CDH18: variants seen among roughly 807,000 people sequenced by gnomAD.
CDH18 encodes cadherin-18.
Under a neutral mutation model 67.9 loss-of-function variants are expected in CDH18, and 31 were observed. The ratio of observed to expected loss-of-function variants is 0.46; its 90% CI spans 0.34 to 0.62. The LOEUF (loss-of-function observed/expected upper bound fraction) is 0.62, where lower values mean the gene tolerates loss of function less well. CDH18 is among the 20% of genes least tolerant of loss of function. The pLI is 0.01. For synonymous variants in CDH18, 362 were observed against 347.2 expected, an observed-to-expected ratio of 1.04 and a Z score of -0.48; for missense variants, 890 against 975.5, an observed-to-expected ratio of 0.91 and a Z score of 1.17.
In CDH18 at chr5:19,511,942, G is replaced by A. The variant is rs112506606; in HGVS notation, c.1512+8715C>T. On this transcript the variant is annotated intron_variant, in intron 10 of 12. Coordinates refer to ENST00000382275, the MANE Select transcript of CDH18 (RefSeq NM_004934.5). The stretch of plus-strand genomic sequence containing the variant: ...GAAAATGTCTCCAGGGTATGTCAGA[G>A]GTGTCCTCGGCAGCCCCTCCCATCA... Among the ~76,000 whole-genome samples, 438 of 152,246 alleles carry A rather than the reference G, an allele frequency of 2.9e-3. 2 individuals carry two copies. Among genetic ancestry groups the A allele is most frequent in the African/African-American group, 9.9e-3 (413 of 41,578 alleles).
chr5:20,446,253 T>C (rs1438898230), intron 1 of CDH18, among the ~76,000 whole-genome samples: 1 of 152,140 alleles, frequency 6.6e-6, no homozygotes, highest in East Asian at 1.9e-4. Context: ...CCACAGACTT[T>C]ACCACAAATT....
chr5:20,483,856 A>G (rs1306509207), intron 1 of CDH18, among the ~76,000 whole-genome samples: 1 of 152,074 alleles, frequency 6.6e-6, no homozygotes. Context: ...GAAACTCTGT[A>G]GAACACTGGT....
At chr5:19,842,821 A>C (rs1336940677) in intron 2 of CDH18, among the ~76,000 whole-genome samples, 3 of 152,178 alleles carry the variant, frequency 2.0e-5, no homozygotes, top group Admixed American at 6.5e-5. Context: ...TGATGTGGAC[A>C]ACGAAGTCCA....
chr5:20,512,537 T>C (rs1755103775), intron 1 of CDH18, among the ~76,000 whole-genome samples: 1 of 152,096 alleles, frequency 6.6e-6, no homozygotes, highest in Non-Finnish European at 1.5e-5. Flanking sequence ...ATCTTTATAT[T>C]TTGTCCCTGT....
chr5:19,536,293 A>G (rs1749413211), intron 9 of CDH18, among the ~76,000 whole-genome samples: 1 of 152,204 alleles, frequency 6.6e-6, no homozygotes. Context: ...AGTTGTTGAA[A>G]AACTTTTACA....
chr5:20,309,213 G>T (rs1199072125), intron 1 of CDH18, among the ~76,000 whole-genome samples: 1 of 152,156 alleles, frequency 6.6e-6, no homozygotes, highest in Non-Finnish European at 1.5e-5. Context: ...TTTCACTCTT[G>T]AGGGAGGAAG....
chr5:20,261,094 A>G (rs962085444), intron 1 of CDH18, among the ~76,000 whole-genome samples: 17 of 152,224 alleles, frequency 1.1e-4, no homozygotes, highest in African/African-American at 3.9e-4. Context: ...AACCTTCATA[A>G]TAACATTAGG....
chr5:20,319,314 T>C (rs1204571521), intron 1 of CDH18, among the ~76,000 whole-genome samples: 1 of 152,186 alleles, frequency 6.6e-6, no homozygotes, highest in African/African-American at 2.4e-5. Flanking sequence ...AACCAAATTA[T>C]GAGTTTTTTC....
intron 2 of CDH18, among the ~76,000 whole-genome samples, chr5:19,864,544 C>CAAA (rs912680371): frequency 6.6e-6 from 1 of 150,834 alleles, no homozygotes; most frequent in Non-Finnish European, 1.5e-5. Flanking sequence ...TTTAAAAAAA[C>CAAA]AACAACACAA....
chr5:20,214,763 T>C (rs957516486), intron 2 of CDH18, among the ~76,000 whole-genome samples: 1 of 152,048 alleles, frequency 6.6e-6, no homozygotes, highest in Non-Finnish European at 1.5e-5. Context: ...GGCAATATGA[T>C]TCTGTAAGTA....
At chr5:19,731,931 C>T (rs1208552814) in intron 4 of CDH18, among the ~76,000 whole-genome samples, 3 of 142,422 alleles carry the variant, frequency 2.1e-5, no homozygotes, top group South Asian at 2.3e-4. Flanking sequence ...TTCTACAAAA[C>T]ACACAAAAAT....
rs571312439 is a variant in CDH18, at chr5:20,037,269, T to A, written c.-517-45255A>T. On this transcript the variant is annotated intron_variant, in intron 2 of 14. Coordinates refer to the CDH18 transcript ENST00000507958. ...AGCTGATACCGGTATTTCCTTTCCA[T>A]ATTTAGTGCTTCTTCAAGGAGCTCT... Among the ~76,000 whole-genome samples, 5 of 152,208 alleles carry A rather than the reference T, an allele frequency of 3.3e-5. No individual in the cohort carries two copies. In the South Asian group the frequency reaches 1.0e-3, roughly 32 times the overall value.
chr5:19,667,577 G>C (rs10941403), intron 5 of CDH18, among the ~76,000 whole-genome samples: 1 of 149,712 alleles, frequency 6.7e-6, no homozygotes, highest in Non-Finnish European at 1.5e-5. Context: ...CAAAACCACA[G>C]GAGTAACATT....
intron 3 of CDH18, among the ~76,000 whole-genome samples, chr5:19,819,894 C>T (rs1308677511): frequency 2.0e-5 from 3 of 152,116 alleles, no homozygotes; most frequent in African/African-American, 7.2e-5. Context: ...CCTGCCTGGC[C>T]ACTCCCATAA....
intron 1 of CDH18, among the ~76,000 whole-genome samples, chr5:20,262,378 T>A (rs1015061119): frequency 2.0e-5 from 3 of 152,222 alleles, no homozygotes; most frequent in Non-Finnish European, 4.4e-5. Flanking sequence ...AGGGACTTGA[T>A]AATGAGAACC....
intron 6 of CDH18, among the ~76,000 whole-genome samples, chr5:19,602,957 C>T (rs1240668836): frequency 1.9e-5 from 2 of 107,476 alleles, no homozygotes; most frequent in Non-Finnish European, 2.0e-5. Flanking sequence ...AAGAGCGAAA[C>T]TCCATCTCAA....
intron 2 of CDH18, among the ~76,000 whole-genome samples, chr5:19,959,241 T>TTG (rs1215415455): frequency 6.6e-6 from 1 of 151,994 alleles, no homozygotes; most frequent in Non-Finnish European, 1.5e-5. Flanking sequence ...CTTCATTAGC[T>TTG]TGTGTGTGTA....
intron 5 of CDH18, among the ~76,000 whole-genome samples, chr5:19,692,035 G>A (rs116153585): frequency 0.013 from 1,908 of 151,940 alleles, 38 homozygotes; most frequent in African/African-American, 0.044. Context: ...AAACAGGCAC[G>A]TAGACCAATG....
intron 1 of CDH18, among the ~76,000 whole-genome samples, chr5:20,453,176 G>A (rs1750591657): frequency 6.6e-6 from 1 of 152,142 alleles, no homozygotes; most frequent in South Asian, 2.1e-4. Flanking sequence ...GGCTGATGTG[G>A]TAGAGAGATA....
Sources: gnomAD v4.1 joint callset for allele counts (sites outside exome capture counted in the v4.1 genomes callset) on GRCh38, gnomAD v4.1.1 for gene constraint, MANE v1.5 for transcripts, NCBI Gene and HGNC (gene_info 2026-07-23, HGNC 2026-07-21) for gene names.